LPP: variants seen among roughly 807,000 people sequenced by gnomAD.
The protein encoded by LPP is lipoma-preferred partner.
In LPP, 38 loss-of-function variants were observed where a neutral mutation model predicts 60.4. The ratio of observed to expected loss-of-function variants is 0.63; its 90% confidence interval spans 0.49 to 0.83. The LOEUF (loss-of-function observed/expected upper bound fraction) is 0.83. Ranked by LOEUF, LPP falls within the 40% of genes least tolerant of loss-of-function variation. The pLI is 0.00. For synonymous variants in LPP, 328 were observed against 290.8 expected, an observed-to-expected ratio of 1.13 and a Z score of -1.30; for missense variants, 902 against 783.6, an observed-to-expected ratio of 1.15 and a Z score of -1.80.
At chr3:188,187,675 G>C (rs1021874209) in intron 1 of LPP, among the ~76,000 whole-genome samples, 1 of 151,730 alleles carries the variant, frequency 6.6e-6, no homozygotes, top group Non-Finnish European at 1.5e-5. Context: ...AATTTCTTAC[G>C]CAGTTTCCCC....
chr3:188,843,259 A>G (rs1010767898), intron 9 of LPP, among the ~76,000 whole-genome samples: 1 of 152,102 alleles, frequency 6.6e-6, no homozygotes, highest in Non-Finnish European at 1.5e-5. Flanking sequence ...TTAGGAATGG[A>G]CCTTTGCTTC....
At chr3:188,456,239 T>C (rs1238807552) in intron 4 of LPP, among the ~76,000 whole-genome samples, 2 of 152,148 alleles carry the variant, frequency 1.3e-5, no homozygotes, top group African/African-American at 4.8e-5. Context: ...TAAAGATTAT[T>C]GGGGGAAACT....
intron 2 of LPP, among the ~76,000 whole-genome samples, chr3:188,327,949 TA>T (rs1473835375): frequency 1.3e-5 from 2 of 152,252 alleles, no homozygotes; most frequent in South Asian, 4.1e-4. Context: ...AATATTTGTA[TA>T]AAAAATAAAT....
At chr3:188,390,356 A>C (rs1779402133) in intron 3 of LPP, among the ~76,000 whole-genome samples, 1 of 152,168 alleles carries the variant, frequency 6.6e-6, no homozygotes. Context: ...GGGCTTTAAA[A>C]AGTACTATTT....
Position 188,609,792 on chromosome 3 carries a change from C to T in LPP, c.1061C>T (p.Thr354Ile). Reference protein sequence around the residue: ...GMYPVTGPKKTYITDPVSAPC... With the variant: ...GMYPVTGPKKIYITDPVSAPC... ...TATCCAGTCACTGGTCCCAAGAAGA[C>T]CTATATCACAGATCCTGTTTCAGCC... is the stretch of plus-strand genomic sequence containing the variant. Residue 354 changes from threonine (T) to isoleucine (I), a missense_variant, in exon 7 of 12, where the codon ACC (threonine) becomes ATC (isoleucine). By Grantham distance (89) the Thr-to-Ile change is moderately conservative (BLOSUM62 -1). Coordinates refer to ENST00000617246, the MANE Select transcript of LPP (RefSeq NM_001375462.1). The surrounding 1 kb of genome is among the most constrained non-coding windows in gnomAD (Gnocchi z 6.9). 1.2e-6 allele frequency: 2 copies of T among 1,613,850 alleles called. No homozygotes were observed. The highest frequency in any genetic ancestry group is 1.7e-6 in the Non-Finnish European group (2 of 1,179,928).
intron 2 of LPP, among the ~76,000 whole-genome samples, chr3:188,328,273 C>T (rs1759010614): frequency 2.6e-5 from 4 of 152,090 alleles, no homozygotes; most frequent in Admixed American, 2.6e-4. Flanking sequence ...GATTGAGTCT[C>T]CTATGATTTT....
At chr3:188,688,062 A>G (rs76686113) in intron 7 of LPP, among the ~76,000 whole-genome samples, 7,605 of 152,236 alleles carry the variant, frequency 0.05, 226 homozygotes, top group South Asian at 0.1. Flanking sequence ...CGGCAGAAGA[A>G]CCATGACCTT....
At chr3:188,270,021 G>A (rs1201722068) in intron 2 of LPP, among the ~76,000 whole-genome samples, 4 of 151,092 alleles carry the variant, frequency 2.6e-5, no homozygotes, top group Non-Finnish European at 5.9e-5. Context: ...CTTTTCTTTA[G>A]GGTATGATTC....
intron 1 of LPP, among the ~76,000 whole-genome samples, chr3:188,190,047 T>C (rs982766520): frequency 1.4e-4 from 21 of 151,234 alleles, no homozygotes; most frequent in African/African-American, 5.1e-4. Flanking sequence ...GTAGGTGTCA[T>C]TCTGTGGATT....
chr3:188,288,553 G>A (rs889130779), intron 2 of LPP, among the ~76,000 whole-genome samples: 2 of 151,040 alleles, frequency 1.3e-5, no homozygotes, highest in Non-Finnish European at 2.9e-5. Context: ...TCCTGGTGGA[G>A]CCTTGGCCTT....
intron 1 of LPP, among the ~76,000 whole-genome samples, chr3:188,202,830 T>A (rs979338916): frequency 6.6e-6 from 1 of 152,072 alleles, no homozygotes; most frequent in Admixed American, 6.6e-5. Context: ...AAGTCTTTTC[T>A]TGGGAGGGAA....
At chr3:188,874,023 T>C (rs1167725755) in intron 11 of LPP, among the ~76,000 whole-genome samples, 1 of 152,098 alleles carries the variant, frequency 6.6e-6, no homozygotes, top group Non-Finnish European at 1.5e-5. Flanking sequence ...TTTTCTCTTG[T>C]TGAGTGGGGG....
intron 3 of LPP, among the ~76,000 whole-genome samples, chr3:188,343,134 C>G (rs1474559316): frequency 6.6e-6 from 1 of 152,048 alleles, no homozygotes; most frequent in Non-Finnish European, 1.5e-5. Flanking sequence ...AGGTTTTAAG[C>G]ACCGCATGCA....
intron 2 of LPP, among the ~76,000 whole-genome samples, chr3:188,254,837 T>C (rs1731115403): frequency 6.6e-6 from 1 of 152,142 alleles, no homozygotes; most frequent in African/African-American, 2.4e-5. Context: ...AACAGGACTT[T>C]TGACAGGAAT....
intron 1 of LPP, among the ~76,000 whole-genome samples, chr3:188,177,638 C>T (rs1212266710): frequency 1.3e-5 from 2 of 152,112 alleles, no homozygotes; most frequent in South Asian, 2.1e-4. Context: ...TCAGCCCTCT[C>T]CTCTGTAAAA....
Position 188,250,772 on chromosome 3 carries a change from T to TTCTGTCTG in LPP, c.-67+25248_-67+25249insGTCTGTCT, listed in dbSNP as rs1344982047. On this transcript the variant is annotated intron_variant, in intron 2 of 11. Transcript: ENST00000617246. The stretch of plus-strand genomic sequence containing the variant: ...TTTCTTTCTTTCTTTCTTTCTTTCT[T>TTCTGTCTG]TCTTTCTTTCTTTCTGTCTTTCTCT... Among the ~76,000 whole-genome samples the TTCTGTCTG allele has an allele frequency of 3.2e-3, 355 of 111,096 alleles. 6 individuals carry two copies. Among genetic ancestry groups the TTCTGTCTG allele is most frequent in the African/African-American group, 0.014 (313 of 22,324 alleles). The allele number at this position is 111,096 out of a possible 152,430, so 72.9% of individuals were successfully genotyped here.
intron 1 of LPP, among the ~76,000 whole-genome samples, chr3:188,156,786 G>A (rs1334236097): frequency 6.6e-6 from 1 of 151,798 alleles, no homozygotes; most frequent in African/African-American, 2.4e-5. Context: ...GCAGTGAGCC[G>A]AGATTGCACC....
intron 6 of LPP, among the ~76,000 whole-genome samples, chr3:188,525,401 A>G (rs540969048): frequency 2.0e-5 from 3 of 152,346 alleles, no homozygotes; most frequent in African/African-American, 7.2e-5. Context: ...ACACAACATC[A>G]TACAAAAATG....
chr3:188,495,260 A>G (rs1052789846), intron 5 of LPP, among the ~76,000 whole-genome samples: 3 of 147,464 alleles, frequency 2.0e-5, no homozygotes, highest in African/African-American at 7.5e-5. Context: ...TATAAAATGA[A>G]TGATTGAATT....
Sources: allele counts gnomAD v4.1 joint callset (sites outside exome capture counted in the v4.1 genomes callset), GRCh38; gene constraint gnomAD v4.1.1; non-coding constraint Gnocchi (gnomAD v3.1); transcripts MANE v1.5; gene names NCBI Gene and HGNC (gene_info 2026-07-23, HGNC 2026-07-21).